CSMD3: variants seen among roughly 807,000 people sequenced by gnomAD.
CSMD3 encodes CUB and Sushi multiple domains 3.
In CSMD3, 177 loss-of-function variants were observed where a neutral mutation model predicts 435.2. That is an observed-to-expected ratio of 0.41 (90% CI 0.36 to 0.46). The LOEUF (loss-of-function observed/expected upper bound fraction) is 0.46, where lower values mean the gene tolerates loss of function less well. CSMD3 is among the 20% of genes least tolerant of loss of function. The pLI, the probability that CSMD3 is intolerant of heterozygous loss-of-function variation, is 0.34. For missense variants in CSMD3, 4,265 were observed against 4,504.6 expected (o/e 0.95, Z 1.52); for synonymous variants, 1,656 against 1,520.5 (o/e 1.09, Z -2.07).
At chr8:113,017,780 T>G (rs2086525008) in intron 6 of CSMD3, among the ~76,000 whole-genome samples, 1 of 152,006 alleles carries the variant, frequency 6.6e-6, no homozygotes, top group Non-Finnish European at 1.5e-5. Flanking sequence ...GGATAAAATA[T>G]TTTTGCAAAT....
intron 13 of CSMD3, among the ~76,000 whole-genome samples, chr8:112,780,895 G>A (rs1254067639): frequency 6.6e-6 from 1 of 152,034 alleles, no homozygotes; most frequent in Non-Finnish European, 1.5e-5. Context: ...TAAGCCATGA[G>A]GACTGGAATT....
chr8:112,768,692 T>C (rs1460739450), intron 13 of CSMD3, among the ~76,000 whole-genome samples: 1 of 151,920 alleles, frequency 6.6e-6, no homozygotes, highest in Non-Finnish European at 1.5e-5. Context: ...GAGAACTTGC[T>C]GAATATCTTT....
intron 22 of CSMD3, among the ~76,000 whole-genome samples, chr8:112,620,099 G>GA (rs1182989750): frequency 1.3e-5 from 2 of 151,942 alleles, no homozygotes; most frequent in Non-Finnish European, 2.9e-5. Context: ...AAAGCAATCA[G>GA]AAAAATCCAG....
chr8:112,267,934 CAA>C (rs956754402), intron 59 of CSMD3, among the ~76,000 whole-genome samples: 1 of 135,920 alleles, frequency 7.4e-6, no homozygotes. Context: ...CAGAGACAAC[CAA>C]AAAAAAAAAG....
rs528360979 is a variant in CSMD3, at chr8:112,517,214, T to A, written c.4576A>T (p.Thr1526Ser). 1 of 1,613,438 alleles carries A rather than the reference T, an allele frequency of 6.2e-7. No individual in the cohort carries two copies. The highest frequency in any genetic ancestry group is 2.2e-5 in the East Asian group (1 of 44,850). The change falls in exon 28 of 71, where the codon ACT becomes TCT. Residue 1526 changes from threonine to serine, a missense_variant. By Grantham distance (58) the Thr-to-Ser change is moderately conservative (BLOSUM62 1). Coordinates refer to ENST00000297405, the MANE Select transcript of CSMD3 (RefSeq NM_198123.2). ...FAIQFSSSVA[T>S]ACRDPGVPMN... Reference sequence around the variant, plus strand: ...GGGACCCCTGGGTCACGACACGCAGTGGCAACAGAACCTATCAAAAGACAG... The same window carrying A: ...GGGACCCCTGGGTCACGACACGCAGAGGCAACAGAACCTATCAAAAGACAG...
intron 10 of CSMD3, among the ~76,000 whole-genome samples, chr8:112,920,818 G>A (rs1222765398): frequency 2.0e-5 from 3 of 151,284 alleles, no homozygotes; most frequent in Non-Finnish European, 2.9e-5. Context: ...CTAAGTAGCT[G>A]TACAAAATGT....
At position 112,341,522 on chromosome 8, in the gene CSMD3, T is replaced by C. The variant is rs2130991340; in HGVS notation, c.6607A>G (p.Ser2203Gly). The change falls in exon 42 of 71, where the codon AGT (serine) becomes GGT (glycine). Residue 2203 changes from serine (S) to glycine (G), a missense_variant. Coordinates refer to ENST00000297405, the MANE Select transcript of CSMD3 (RefSeq NM_198123.2). The part of the protein sequence containing the change: ...TTHETSLYFH[S>G]DYSQNKQGFH... Reference sequence around the variant, plus strand: ...CCTTGTTTGTTTTGTGAATAGTCACTGTGAAAATATAAGCTGGTTTCATGG... The same window carrying C: ...CCTTGTTTGTTTTGTGAATAGTCACCGTGAAAATATAAGCTGGTTTCATGG... The C allele has an allele frequency of 6.2e-7, 1 of 1,613,432 alleles. No homozygotes were observed. Among genetic ancestry groups the C allele is most frequent in the Non-Finnish European group, 8.5e-7 (1 of 1,179,420 alleles).
intron 13 of CSMD3, among the ~76,000 whole-genome samples, chr8:112,785,221 A>T (rs2078506618): frequency 6.6e-6 from 1 of 152,016 alleles, no homozygotes; most frequent in Admixed American, 6.6e-5. Context: ...TCCTTTCATG[A>T]TAAAAACCCA....
intron 2 of CSMD3, among the ~76,000 whole-genome samples, chr8:113,286,615 C>CT (rs1490626279): frequency 6.6e-6 from 1 of 151,538 alleles, no homozygotes; most frequent in Non-Finnish European, 1.5e-5. Context: ...GTCTCACTAT[C>CT]TAACTATGTT....
At chr8:113,190,685 G>GT (rs113068906) in intron 3 of CSMD3, among the ~76,000 whole-genome samples, 10,185 of 145,734 alleles carry the variant, frequency 0.07, 439 homozygotes, top group Non-Finnish European at 0.1. Context: ...ATTTACTCTG[G>GT]TTTTTTTTTT....
At chr8:113,134,440 C>T (rs562102864) in intron 4 of CSMD3, among the ~76,000 whole-genome samples, 1 of 152,060 alleles carries the variant, frequency 6.6e-6, no homozygotes, top group South Asian at 2.1e-4. Context: ...CATCTCATTG[C>T]ATCACACAGT....
At chr8:112,891,194 T>C (rs2130328280) in intron 10 of CSMD3, among the ~76,000 whole-genome samples, 1 of 151,670 alleles carries the variant, frequency 6.6e-6, no homozygotes, top group Non-Finnish European at 1.5e-5. Flanking sequence ...TCTGCAGCAG[T>C]TGTCGCATCA....
intron 5 of CSMD3, among the ~76,000 whole-genome samples, chr8:113,066,950 G>A (rs2088885852): frequency 6.6e-6 from 1 of 151,970 alleles, no homozygotes; most frequent in Admixed American, 6.6e-5. Flanking sequence ...ATTTCTAAAG[G>A]AAGAAAACAG....
intron 1 of CSMD3, among the ~76,000 whole-genome samples, chr8:113,428,156 G>A (rs1179252725): frequency 6.6e-6 from 1 of 151,580 alleles, no homozygotes; most frequent in African/African-American, 2.4e-5. Flanking sequence ...AGTGAAAGAT[G>A]TTGAAAATTA....
intron 27 of CSMD3, among the ~76,000 whole-genome samples, chr8:112,518,909 GA>G (rs1823989404): frequency 6.6e-6 from 1 of 152,020 alleles, no homozygotes; most frequent in Admixed American, 6.6e-5. Flanking sequence ...CCATGGCAGA[GA>G]AGGAGAGAGA....
intron 9 of CSMD3, among the ~76,000 whole-genome samples, chr8:112,938,089 C>A (rs111683839): frequency 0.034 from 5,138 of 152,170 alleles, 148 homozygotes; most frequent in Middle Eastern, 0.051. Flanking sequence ...AAATGTAATT[C>A]TCTGCAAGTC....
intron 2 of CSMD3, among the ~76,000 whole-genome samples, chr8:113,289,536 AAGAC>A (rs778264552): frequency 2.3e-5 from 3 of 128,094 alleles, no homozygotes; most frequent in Admixed American, 9.5e-5. Context: ...TCTCAATTAG[AAGAC>A]AGACAGAGAG....
chr8:112,316,761 A>C (rs1253969677), intron 47 of CSMD3, among the ~76,000 whole-genome samples: 1 of 151,948 alleles, frequency 6.6e-6, no homozygotes, highest in Non-Finnish European at 1.5e-5. Flanking sequence ...CAATGTTTTT[A>C]AACCAGAAAA....
At chr8:112,956,410 C>T (rs545905338) in intron 7 of CSMD3, among the ~76,000 whole-genome samples, 62 of 152,126 alleles carry the variant, frequency 4.1e-4, no homozygotes, top group Non-Finnish European at 7.4e-5. Context: ...TCTCAAAATA[C>T]TTTTTAACAA....
Sources: allele counts gnomAD v4.1 joint callset (sites outside exome capture counted in the v4.1 genomes callset), GRCh38; gene constraint gnomAD v4.1.1; transcripts MANE v1.5; gene names NCBI Gene and HGNC (gene_info 2026-07-23, HGNC 2026-07-21).